The following SLC39A9 variants were observed in gnomAD, a reference collection of about 807,000 sequenced individuals.
SLC39A9 encodes solute carrier family 39 member 9.
A neutral mutation model predicts 28.4 loss-of-function variants in SLC39A9; 14 were observed. The ratio of observed to expected loss-of-function variants is 0.49; its 90% CI spans 0.33 to 0.77. SLC39A9 has a LOEUF of 0.77. SLC39A9 is among the 30% of genes least tolerant of loss of function. The pLI is 0.02. For missense variants in SLC39A9, 283 were observed against 381.1 expected (o/e 0.74, Z 2.14); for synonymous variants, 119 against 149.6 (o/e 0.80, Z 1.49).
Position 69,412,016 on chromosome 14 carries a change from C to T in SLC39A9, c.97-12078C>T, listed in dbSNP as rs376149555. Reference sequence around the variant, plus strand: ...TAGGATTATCTCGATCTCTTGACCTCGTGATCCGCCTGCCTCAACCTCCCA... The same window carrying T: ...TAGGATTATCTCGATCTCTTGACCTTGTGATCCGCCTGCCTCAACCTCCCA... On this transcript the variant is annotated intron_variant, in intron 1 of 6. Transcript: ENST00000336643. 4.6e-5 allele frequency among the ~76,000 whole-genome samples: 7 copies of T among 151,848 alleles called. No individual in the cohort carries two copies. In the East Asian group the frequency reaches 7.9e-4, roughly 17 times the overall value.
chr14:69,461,687 C>G lies in SLC39A9; in HGVS notation c.*3094C>G, dbSNP rs568548794. On this transcript the variant is annotated 3_prime_UTR_variant, in exon 7 of 7. Coordinates refer to ENST00000336643, the MANE Select transcript of SLC39A9 (RefSeq NM_018375.5). ...CTAAGTGTCACTGCCTGGTTTTTCT[C>G]TTTTTCAAGGATTAGAACTAAGAGG... is the stretch of plus-strand genomic sequence containing the variant. 5.9e-6 allele frequency: 9 copies of G among 1,535,482 alleles called. No homozygotes were observed. In the South Asian group the frequency reaches 7.1e-5, roughly 12 times the overall value.
At chr14:69,421,953 C>T (rs192405389) in intron 1 of SLC39A9, among the ~76,000 whole-genome samples, 10 of 152,326 alleles carry the variant, frequency 6.6e-5, no homozygotes, top group African/African-American at 4.8e-5. Context: ...TGACCCCTTG[C>T]GCTTCCCTGG....
chr14:69,460,639 C>T lies in SLC39A9; in HGVS notation c.*2046C>T. 1.0e-6 allele frequency: 1 copy of T among 985,396 alleles called. No homozygotes were observed. The highest frequency in any genetic ancestry group is 4.7e-5 in the South Asian group (1 of 21,282). The allele number at this position is 985,396 out of a possible 1,614,324, so 61.0% of individuals were successfully genotyped here. On this transcript the variant is annotated 3_prime_UTR_variant, in exon 7 of 7. Transcript: ENST00000336643. Reference sequence around the variant, plus strand: ...CTGGCCAAAGCCTCTTTCAGCAGTGCCTTGCCATCATGCTTAAAAGTTTGG... The same window carrying T: ...CTGGCCAAAGCCTCTTTCAGCAGTGTCTTGCCATCATGCTTAAAAGTTTGG...
At chr14:69,426,315 C>A (rs1200482113) in intron 2 of SLC39A9, among the ~76,000 whole-genome samples, 2 of 152,196 alleles carry the variant, frequency 1.3e-5, no homozygotes, top group Admixed American at 6.5e-5. Context: ...ACAACCCCCT[C>A]TTTGGGTTCA....
intron 2 of SLC39A9, among the ~76,000 whole-genome samples, chr14:69,431,929 T>C (rs895314644): frequency 1.4e-4 from 21 of 152,236 alleles, no homozygotes; most frequent in Admixed American, 5.9e-4. Context: ...CCGTGGCGTA[T>C]ATGTACCACA....
intron 2 of SLC39A9, among the ~76,000 whole-genome samples, chr14:69,439,341 A>C (rs1275087158): frequency 1.3e-5 from 2 of 151,986 alleles, no homozygotes; most frequent in Non-Finnish European, 2.9e-5. Flanking sequence ...TTTTTAAAAA[A>C]ATAATAATAG....
chr14:69,460,997 CA>C lies in SLC39A9; in HGVS notation c.*2405del. The C allele has an allele frequency of 4.1e-6, 4 of 985,548 alleles. No individual in the cohort carries two copies. Among genetic ancestry groups the C allele is most frequent in the Non-Finnish European group, 4.8e-6 (4 of 830,044 alleles). 61.1% of individuals were successfully genotyped at this position (985,548 alleles called of 1,614,324 possible). A position where few individuals can be genotyped will look rare whatever the true frequency, so the allele number is the denominator to read the frequency against. ...TGGTGGGCAGTATTCCAGGAGAGGC[CA>C]TGTCCGTGTTCACTTCTTGGCACAT... On this transcript the variant is annotated 3_prime_UTR_variant, in exon 7 of 7. Coordinates refer to ENST00000336643, the MANE Select transcript of SLC39A9 (RefSeq NM_018375.5).
chr14:69,423,615 C>T (rs1204979982), intron 1 of SLC39A9, among the ~76,000 whole-genome samples: 6 of 152,130 alleles, frequency 3.9e-5, no homozygotes, highest in Non-Finnish European at 8.8e-5. Context: ...AATTTCATCT[C>T]AGTCAGGCAC....
chr14:69,426,137 C>A (rs1279556065), intron 2 of SLC39A9, among the ~76,000 whole-genome samples: 1 of 152,182 alleles, frequency 6.6e-6, no homozygotes, highest in African/African-American at 2.4e-5. Flanking sequence ...GCAGTGGACA[C>A]CAGCCAGGTG....
intron 2 of SLC39A9, among the ~76,000 whole-genome samples, chr14:69,426,553 C>T (rs1474858471): frequency 6.6e-6 from 1 of 152,172 alleles, no homozygotes; most frequent in African/African-American, 2.4e-5. Flanking sequence ...TTCTATCAGC[C>T]TTCATATATG....
chr14:69,434,149 T>C (rs1175379722), intron 2 of SLC39A9, among the ~76,000 whole-genome samples: 2 of 150,438 alleles, frequency 1.3e-5, no homozygotes, highest in East Asian at 2.0e-4. Context: ...AGTGGCATGA[T>C]CTCGGCACAC....
At chr14:69,407,161 T>C (rs904644687) in intron 1 of SLC39A9, among the ~76,000 whole-genome samples, 1 of 151,882 alleles carries the variant, frequency 6.6e-6, no homozygotes, top group Non-Finnish European at 1.5e-5. Flanking sequence ...TGGAAATTCT[T>C]ACATGGAAAT....
At chr14:69,409,460 T>G (rs182730670) in intron 1 of SLC39A9, among the ~76,000 whole-genome samples, 8 of 152,268 alleles carry the variant, frequency 5.3e-5, no homozygotes, top group Admixed American at 2.6e-4. Flanking sequence ...TACCTCAACC[T>G]CCCTAGTAGG....
At chr14:69,421,058 T>C (rs990390607) in intron 1 of SLC39A9, among the ~76,000 whole-genome samples, 5 of 152,236 alleles carry the variant, frequency 3.3e-5, no homozygotes, top group African/African-American at 4.8e-5. Context: ...TGCAGTCCTT[T>C]GGAGGAGAAG....
chr14:69,411,890 C>T (rs542178833), intron 1 of SLC39A9, among the ~76,000 whole-genome samples: 34 of 150,282 alleles, frequency 2.3e-4, no homozygotes, highest in African/African-American at 8.1e-4. Context: ...TCAAGCGATT[C>T]TCCTGCCTCA....
chr14:69,419,177 T>C (rs1030795495), intron 1 of SLC39A9, among the ~76,000 whole-genome samples: 1 of 152,232 alleles, frequency 6.6e-6, no homozygotes, highest in African/African-American at 2.4e-5. Flanking sequence ...TTTAAATGTG[T>C]CCCAGAGATT....
rs1404712040 is a variant in SLC39A9 at position 69,442,042 on chromosome 14, TTC to T, written c.206-23_206-22del. Reference sequence around the variant, plus strand: ...AATGTTTTTAGGGGAAAAACATATTTTCTCTTTATGGTTTATTCTGCTCTAGG... The same window carrying T: ...AATGTTTTTAGGGGAAAAACATATTTTCTTTATGGTTTATTCTGCTCTAGG... On this transcript the variant is annotated intron_variant, in intron 2 of 6. Transcript: ENST00000336643. 3.8e-6 allele frequency: 6 copies of T among 1,595,938 alleles called. No individual in the cohort carries two copies. In the African/African-American group the frequency reaches 8.1e-5, roughly 22 times the overall value.
intron 1 of SLC39A9, among the ~76,000 whole-genome samples, chr14:69,413,532 A>G (rs1883397552): frequency 6.6e-6 from 1 of 152,198 alleles, no homozygotes; most frequent in African/African-American, 2.4e-5. Context: ...ATAGATCTTT[A>G]TATTGAAGAA....
chr14:69,419,295 A>T (rs1190979283), intron 1 of SLC39A9, among the ~76,000 whole-genome samples: 2 of 152,144 alleles, frequency 1.3e-5, no homozygotes, highest in Admixed American at 1.3e-4. Flanking sequence ...TTCAGTTTCC[A>T]TGTAGTTGTG....
Sources: allele counts gnomAD v4.1 joint callset (sites outside exome capture counted in the v4.1 genomes callset), GRCh38; gene constraint gnomAD v4.1.1; transcripts MANE v1.5; gene names NCBI Gene and HGNC (gene_info 2026-07-23, HGNC 2026-07-21).